Variants in SLC24A4 observed in about 807,000 individuals in gnomAD.
SLC24A4 encodes the protein sodium/potassium/calcium exchanger 4.
A neutral mutation model predicts 79.0 loss-of-function variants in SLC24A4; 53 were observed. The ratio of observed to expected loss-of-function variants is 0.67; its 90% confidence interval spans 0.54 to 0.84. The LOEUF (loss-of-function observed/expected upper bound fraction) is 0.84. Ranked by LOEUF, SLC24A4 falls within the 40% of genes least tolerant of loss-of-function variation. The pLI is 0.00. For synonymous variants in SLC24A4, 323 were observed against 323.8 expected, an observed-to-expected ratio of 1.00 and a Z score of 0.03; for missense variants, 731 against 822.0, an observed-to-expected ratio of 0.89 and a Z score of 1.35.
chr14:92,401,048 G>A (rs572189150), intron 2 of SLC24A4, among the ~76,000 whole-genome samples: 39 of 152,250 alleles, frequency 2.6e-4, no homozygotes, highest in Non-Finnish European at 2.5e-4. Context: ...ATACACACAA[G>A]GCACCCAGTA....
rs188612439 is a variant in SLC24A4, at chr14:92,376,779, C to G, written c.241+50801C>G. On this transcript the variant is annotated intron_variant, in intron 2 of 16. Coordinates refer to ENST00000532405, the MANE Select transcript of SLC24A4 (RefSeq NM_153646.4). ...CAGTGATTGGTTCTCAGTCACCTCA[C>G]TGAGAACAATTGGCAATGTCTGGAG... Among the ~76,000 whole-genome samples, 44 of 152,320 alleles carry G rather than the reference C, an allele frequency of 2.9e-4. 1 individual carries two copies. The highest frequency in any genetic ancestry group is 3.4e-3 in the Middle Eastern group (1 of 294).
At chr14:92,341,853 A>G (rs796750640) in intron 2 of SLC24A4, among the ~76,000 whole-genome samples, 44 of 152,312 alleles carry the variant, frequency 2.9e-4, no homozygotes, top group African/African-American at 1.0e-3. Context: ...TTTCTGAGTG[A>G]TTCTTCTCTG....
intron 2 of SLC24A4, among the ~76,000 whole-genome samples, chr14:92,333,562 G>A (rs1885601645): frequency 6.6e-6 from 1 of 152,164 alleles, no homozygotes; most frequent in African/African-American, 2.4e-5. Context: ...TTGCTTTATT[G>A]TGTGTGGTTT....
chr14:92,445,046 A>G lies in SLC24A4; in HGVS notation c.658-271A>G, dbSNP rs189977776. Among the ~76,000 whole-genome samples the G allele has an allele frequency of 5.3e-5, 8 of 152,218 alleles. No homozygotes were observed. The East Asian group carries it at 1.4e-3, about 26-fold the overall frequency. On this transcript the variant is annotated intron_variant, in intron 7 of 16. Transcript: ENST00000532405. ...CCATGAATAAGGGGAGGCTTCTGCC[A>G]GGTTAGCCCCCAGCAGCTACTTGGA... is the stretch of plus-strand genomic sequence containing the variant.
At chr14:92,435,896 C>T (rs980501146) in intron 3 of SLC24A4, among the ~76,000 whole-genome samples, 1 of 152,164 alleles carries the variant, frequency 6.6e-6, no homozygotes, top group Non-Finnish European at 1.5e-5. Context: ...ATTGGTCCCA[C>T]AGTTCTGTGG....
At chr14:92,393,545 CTTTTT>C (rs5810597) in intron 2 of SLC24A4, among the ~76,000 whole-genome samples, 1 of 112,496 alleles carries the variant, frequency 8.9e-6, no homozygotes, top group African/African-American at 3.4e-5. Flanking sequence ...AAGACACACT[CTTTTT>C]TTTTTTTTTT....
intron 2 of SLC24A4, among the ~76,000 whole-genome samples, chr14:92,399,344 A>G (rs980280917): frequency 2.6e-5 from 4 of 152,232 alleles, no homozygotes; most frequent in African/African-American, 9.6e-5. Context: ...GCATGGAAAC[A>G]GTTCAGATTA....
chr14:92,354,651 T>C (rs895405373), intron 2 of SLC24A4, among the ~76,000 whole-genome samples: 15 of 152,226 alleles, frequency 9.9e-5, no homozygotes, highest in Non-Finnish European at 1.9e-4. Context: ...TGGGGAATCT[T>C]GTGAAAATGC....
At chr14:92,339,654 C>T (rs754578834) in intron 2 of SLC24A4, among the ~76,000 whole-genome samples, 67 of 152,098 alleles carry the variant, frequency 4.4e-4, no homozygotes, top group Non-Finnish European at 8.5e-4. Context: ...GTATGGGTGG[C>T]GAGTCATCCT....
intron 12 of SLC24A4, among the ~76,000 whole-genome samples, chr14:92,459,958 G>T (rs577842017): frequency 6.6e-6 from 1 of 152,232 alleles, no homozygotes; most frequent in South Asian, 2.1e-4. Context: ...GTGTTTCTTA[G>T]GGGTGGATGC....
At chr14:92,378,785 C>T (rs554066680) in intron 2 of SLC24A4, among the ~76,000 whole-genome samples, 10 of 152,286 alleles carry the variant, frequency 6.6e-5, no homozygotes, top group Non-Finnish European at 8.8e-5. Flanking sequence ...CACGGTGGCA[C>T]GCACCTGTAG....
Position 92,482,872 on chromosome 14 carries a change from C to T in SLC24A4, c.1422+26C>T. 1.9e-6 allele frequency: 3 copies of T among 1,594,044 alleles called. No homozygotes were observed. The South Asian group carries it at 3.4e-5, about 18-fold the overall frequency. On this transcript the variant is annotated intron_variant, in intron 13 of 16. Transcript: ENST00000532405. ...GTGAGTGGGGGGAGCAGGGGGTGGACTGTGTGCACAGCCAGGGAGAGGTGG... is the reference window on the plus strand; with the variant it reads ...GTGAGTGGGGGGAGCAGGGGGTGGATTGTGTGCACAGCCAGGGAGAGGTGG...
chr14:92,330,987 G>A (rs1385318043), intron 2 of SLC24A4, among the ~76,000 whole-genome samples: 1 of 152,206 alleles, frequency 6.6e-6, no homozygotes, highest in Non-Finnish European at 1.5e-5. Context: ...GGAACCTGGT[G>A]CTTCTCAACC....
chr14:92,357,209 A>G (rs1436220386), intron 2 of SLC24A4, among the ~76,000 whole-genome samples: 1 of 152,224 alleles, frequency 6.6e-6, no homozygotes, highest in African/African-American at 2.4e-5. Flanking sequence ...CGACTGGCAC[A>G]ATTCAGATTC....
intron 12 of SLC24A4, among the ~76,000 whole-genome samples, chr14:92,461,932 G>A (rs946347929): frequency 8.5e-5 from 13 of 152,342 alleles, no homozygotes; most frequent in African/African-American, 2.6e-4. Context: ...GCAATGAGCC[G>A]GGTTTCCACC....
chr14:92,416,603 G>A (rs1449493203), intron 2 of SLC24A4, among the ~76,000 whole-genome samples: 1 of 152,198 alleles, frequency 6.6e-6, no homozygotes, highest in Admixed American at 6.5e-5. Flanking sequence ...ACAGGCTGGA[G>A]GTTCAGTGAA....
At chr14:92,473,951 G>A (rs748590132) in intron 12 of SLC24A4, among the ~76,000 whole-genome samples, 6 of 152,096 alleles carry the variant, frequency 3.9e-5, no homozygotes, top group Admixed American at 3.3e-4. Context: ...GAGGTGTCCC[G>A]GGATTCTTAC....
rs373588946 is a variant in SLC24A4 at position 92,353,274 on chromosome 14, T to C, written c.241+27296T>C. Among the ~76,000 whole-genome samples, 5 of 152,258 alleles carry C rather than the reference T, an allele frequency of 3.3e-5. No individual in the cohort carries two copies. The highest frequency in any genetic ancestry group is 3.8e-4 in the East Asian group (2 of 5,202). ...CAAGTCATTAATAATTAAATGTTTC[T>C]TTTCCCATCCTTTAATCATCTACAT... On this transcript the variant is annotated intron_variant, in intron 2 of 16. Transcript: ENST00000532405. This position sits in a 1 kb window ranked among gnomAD's most constrained non-coding sequence, Gnocchi z 4.1.
chr14:92,354,989 G>T (rs1390782649), intron 2 of SLC24A4, among the ~76,000 whole-genome samples: 1 of 152,192 alleles, frequency 6.6e-6, no homozygotes, highest in Admixed American at 6.5e-5. Context: ...CAGGAGAATC[G>T]CTTGAACCCA....
Sources: allele counts gnomAD v4.1 joint callset (sites outside exome capture counted in the v4.1 genomes callset), GRCh38; gene constraint gnomAD v4.1.1; non-coding constraint Gnocchi (gnomAD v3.1); transcripts MANE v1.5; gene names NCBI Gene and HGNC (gene_info 2026-07-23, HGNC 2026-07-21).